The following IGSF22 variants were observed in gnomAD, a reference collection of about 807,000 sequenced individuals.
IGSF22 encodes the protein immunoglobulin superfamily, member 22.
IGSF22 carries 119 observed loss-of-function variants against 127.0 expected under a neutral mutation model. The ratio of observed to expected loss-of-function variants is 0.94; its 90% CI spans 0.81 to 1.09. The LOEUF is 1.09. Ranked by LOEUF, IGSF22 falls within the 50% of genes least tolerant of loss-of-function variation. The pLI, the probability that IGSF22 is intolerant of heterozygous loss-of-function variation, is 0.00. For synonymous variants in IGSF22, 568 were observed against 664.7 expected (o/e 0.85, Z 2.24); for missense variants, 1,518 against 1,716.6 (o/e 0.88, Z 2.04).
At chr11:18,708,097 G>A (rs1848280740) in intron 19 of IGSF22, 101 bp from the exon 20 acceptor site, 1 of 1,534,164 alleles carries the variant, frequency 6.5e-7, no homozygotes, top group Non-Finnish European at 9.0e-7. Flanking sequence ...TGTCGCACTA[G>A]GGGTCTGGTG....
Position 18,721,920 on chromosome 11 carries a change from G to T in IGSF22, c.231C>A (p.Thr77=). The change falls in exon 3 of 23, where the codon ACC becomes ACA. Residue 77 remains threonine (T), a synonymous_variant. Coordinates refer to ENST00000513874, the MANE Select transcript of IGSF22 (RefSeq NM_173588.4). ...PEFVEKPQPV[T]APEGDKAVFR... ...CAGGCAGCAACACACCCTCGGGCGC[G>T]GTGACCGGTTGAGGCTTCTCCACGA... is the stretch of plus-strand genomic sequence containing the variant. The T allele has an allele frequency of 6.2e-7, 1 of 1,613,218 alleles. No homozygotes were observed.
intron 7 of IGSF22, among the ~76,000 whole-genome samples, chr11:18,719,348 G>A (rs1208253979): frequency 6.9e-6 from 1 of 145,776 alleles, no homozygotes; most frequent in Non-Finnish European, 1.5e-5. Flanking sequence ...TGTATTTTTA[G>A]TAGAGACAGG....
Position 18,716,669 on chromosome 11 carries a change from C to T in IGSF22, c.1246+59G>A. ...AGATGGATATATAAATGATGACTACCTGCATGGAGGTTGCTGTGCCATAAA... is the reference window on the plus strand; with the variant it reads ...AGATGGATATATAAATGATGACTACTTGCATGGAGGTTGCTGTGCCATAAA... On this transcript the variant is annotated intron_variant, in intron 10 of 22. Transcript: ENST00000513874. This position sits in a 1 kb window ranked among gnomAD's most constrained non-coding sequence, Gnocchi z 4.5. 1.3e-6 allele frequency: 2 copies of T among 1,537,356 alleles called. No homozygotes were observed. Among genetic ancestry groups the T allele is most frequent in the Non-Finnish European group, 1.8e-6 (2 of 1,117,104 alleles).
rs756310397 is a variant in IGSF22, at chr11:18,714,301, T to A, written c.1774A>T (p.Ser592Cys). The change falls in exon 13 of 23, where the codon AGT becomes TGT. Residue 592 changes from serine (S) to cysteine (C), a missense_variant. Transcript: ENST00000513874. ...CCTGCGATGAATACAGAGGCTTCAC[T>A]TTCCGTGCCCTTGGCCCGGAATGTG... ...KYTFRAKGTE[S>C]EASVFIADPP... 2 of 1,613,980 alleles carry A rather than the reference T, an allele frequency of 1.2e-6. No individual in the cohort carries two copies. Among genetic ancestry groups the A allele is most frequent in the Non-Finnish European group, 1.7e-6 (2 of 1,179,998 alleles).
Position 18,714,555 on chromosome 11 carries a change from C to T in IGSF22, c.1601G>A (p.Cys534Tyr). 6.2e-7 allele frequency: 1 copy of T among 1,614,246 alleles called. No individual in the cohort carries two copies. The highest frequency in any genetic ancestry group is 1.1e-5 in the South Asian group (1 of 91,082). Residue 534 changes from cysteine (C) to tyrosine (Y), a missense_variant, in exon 12 of 23, where the codon TGT becomes TAT. By Grantham distance (194) the Cys-to-Tyr change is radical (BLOSUM62 -2). Transcript: ENST00000513874. ...CACCTTCTCGTCATTCAGCACTACA[C>T]ACAACTCAGCTGGGCTCCCAGTGGC... is the stretch of plus-strand genomic sequence containing the variant. ...HAATGSPAEL[C>Y]VVLNDEKVEG...
chr11:18,713,996 C>T lies in IGSF22; in HGVS notation c.1951G>A (p.Glu651Lys), dbSNP rs377591912. Residue 651 changes from glutamate to lysine, a missense_variant, in exon 14 of 23, where the codon GAG becomes AAG. By Grantham distance (56) the Glu-to-Lys change is moderately conservative. Around this residue, in one of 3 missense-constraint regions of IGSF22, gnomAD observed 1,456 missense variants for 1,644.9 expected, o/e 0.89. Transcript: ENST00000513874. ...CCGCGCTCCATGGACACGCGTTCCT[C>T]CTCCGTCACTTCCATGCCATCCTTG... The part of the protein sequence containing the change: ...WYKDGMEVTE[E>K]ERVSMERGED... 1.9e-6 allele frequency: 3 copies of T among 1,614,166 alleles called. No homozygotes were observed. Among genetic ancestry groups the T allele is most frequent in the Non-Finnish European group, 2.5e-6 (3 of 1,180,066 alleles).
At chr11:18,705,118 G>T (rs879904247) in intron 22 of IGSF22, among the ~76,000 whole-genome samples, 6 of 151,864 alleles carry the variant, frequency 4.0e-5, no homozygotes, top group African/African-American at 1.5e-4. Context: ...TGTCATGGAA[G>T]GTTCAGGAGT....
At position 18,721,611 on chromosome 11, in the gene IGSF22, T is replaced by C. The variant is rs967761344; in HGVS notation, c.302A>G (p.Lys101Arg). The C allele has an allele frequency of 6.2e-7, 1 of 1,614,124 alleles. No individual in the cohort carries two copies. The highest frequency in any genetic ancestry group is 1.3e-5 in the African/African-American group (1 of 74,960). The change falls in exon 4 of 23, where the codon AAG (lysine) becomes AGG (arginine). Residue 101 changes from lysine to arginine, a missense_variant. Lys to Arg is a conservative substitution (Grantham distance 26). Transcript: ENST00000513874. ...CTTGATGGGGATGCCGCTCTCCCTC[T>C]TCCAGGAGATGTGGGGTTTGGCGTT... ...QGNAKPHISW[K>R]RESGIPIKES...
chr11:18,718,296 G>A (rs915663346), intron 8 of IGSF22, among the ~76,000 whole-genome samples: 3 of 152,140 alleles, frequency 2.0e-5, no homozygotes, highest in African/African-American at 7.2e-5. Context: ...TCACAGGCCC[G>A]AGCTCTTAAT....
At position 18,713,856 on chromosome 11, in the gene IGSF22, C is replaced by T. The variant is rs775665522; in HGVS notation, c.2091G>A (p.Val697=). Residue 697 remains valine, a synonymous_variant, in exon 14 of 23, where the codon GTG becomes GTA. Coordinates refer to ENST00000513874, the MANE Select transcript of IGSF22 (RefSeq NM_173588.4). ...CCGGACTGGCCCTGCCCTGACCCAG[C>T]ACACTAAGGTGCAGAGTGGCCGTGG... ...GSATATLHLS[V]LDRPKPPQGR... is the part of the protein sequence containing the mutation. 1.2e-6 allele frequency: 2 copies of T among 1,611,584 alleles called. No individual in the cohort carries two copies. The highest frequency in any genetic ancestry group is 1.1e-5 in the South Asian group (1 of 90,702).
Position 18,716,759 on chromosome 11 carries a change from G to C in IGSF22, c.1215C>G (p.Asn405Lys), listed in dbSNP as rs772875541. 6.2e-7 allele frequency: 1 copy of C among 1,614,160 alleles called. No homozygotes were observed. The highest frequency in any genetic ancestry group is 1.1e-5 in the South Asian group (1 of 91,080). ...DSGEFSAEAG[N>K]LVQKAQLTVD... ...CAGTGAGCTGGGCCTTTTGTACCAG[G>C]TTCCCCGCCTCAGCAGAGAACTCGC... Residue 405 changes from asparagine to lysine, a missense_variant, in exon 10 of 23, where the codon AAC (asparagine) becomes AAG (lysine). Asn to Lys is a moderately conservative substitution (Grantham distance 94). Coordinates refer to ENST00000513874, the MANE Select transcript of IGSF22 (RefSeq NM_173588.4). The surrounding 1 kb of genome is among the most constrained non-coding windows in gnomAD (Gnocchi z 4.5).
chr11:18,721,883 C>A (rs1848580750), intron 3 of IGSF22, 27 bp downstream of exon 3: 3 of 1,610,626 alleles, frequency 1.9e-6, no homozygotes, highest in Non-Finnish European at 2.5e-6. Flanking sequence ...AGCACTGGAG[C>A]CCGGTGAGCC....
intron 6 of IGSF22, 50 bp from the exon 7 acceptor site, chr11:18,719,943 T>C: frequency 6.2e-7 from 1 of 1,611,950 alleles, no homozygotes; most frequent in Non-Finnish European, 8.5e-7. Flanking sequence ...CTCTCCAACC[T>C]TGAGAAACCC....
chr11:18,718,191 T>C, intron 8 of IGSF22, 98 bp from the exon 9 acceptor site: 1 of 1,092,900 alleles, frequency 9.1e-7, no homozygotes, highest in Non-Finnish European at 1.3e-6. Flanking sequence ...GGAGGGTGCA[T>C]GTCCAACCCT....
chr11:18,714,542 AT>A lies in IGSF22; in HGVS notation c.1613del (p.Asn538MetfsTer10). The A allele has an allele frequency of 6.2e-7, 1 of 1,614,154 alleles. No homozygotes were observed. The highest frequency in any genetic ancestry group is 8.5e-7 in the Non-Finnish European group (1 of 1,180,034). The part of the protein sequence containing the change: ...GSPAELCVVL[N>X]DEKVEGVWLK... ...GCCACACACCCTCCACCTTCTCGTC[AT>A]TCAGCACTACACACAACTCAGCTGG... On this transcript the variant is annotated frameshift_variant, in exon 12 of 23. Transcript: ENST00000513874. LOFTEE classifies it high-confidence loss of function.
chr11:18,712,040 G>A, intron 15 of IGSF22, 42 bp downstream of exon 15: 1 of 1,500,874 alleles, frequency 6.7e-7, no homozygotes, highest in Non-Finnish European at 9.0e-7. Flanking sequence ...TCTCCATGCT[G>A]ACCCCTGGGT....
Position 18,712,188 on chromosome 11 carries a change from G to T in IGSF22, c.2292C>A (p.Asn764Lys). ...GGTAGGCTTTTCCCTCTTCCACCTT[G>T]TTGGTGGAGAAGTTGGTGACTTTGC... ...VDGKVTNFST[N>K]KVEEGKAYQF... The change falls in exon 15 of 23, where the codon AAC (asparagine) becomes AAA (lysine). Residue 764 changes from asparagine (N) to lysine (K), a missense_variant. This residue lies in a region of IGSF22 where 1,456 missense variants were observed against 1,644.9 expected (regional missense o/e 0.89). Coordinates refer to ENST00000513874, the MANE Select transcript of IGSF22 (RefSeq NM_173588.4). 2 of 1,551,608 alleles carry T rather than the reference G, an allele frequency of 1.3e-6. No homozygotes were observed. Among genetic ancestry groups the T allele is most frequent in the Non-Finnish European group, 1.7e-6 (2 of 1,146,902 alleles).
rs763282891 is a variant in IGSF22, at chr11:18,714,556, A to G, written c.1600T>C (p.Cys534Arg). ...ACCTTCTCGTCATTCAGCACTACAC[A>G]CAACTCAGCTGGGCTCCCAGTGGCC... ...HAATGSPAELCVVLNDEKVEG... is the reference protein window; with the variant it reads ...HAATGSPAELRVVLNDEKVEG... The change falls in exon 12 of 23, where the codon TGT becomes CGT. Residue 534 changes from cysteine (C) to arginine (R), a missense_variant. By Grantham distance (180) the Cys-to-Arg change is radical (BLOSUM62 -3). This residue lies in a region of IGSF22 where 1,456 missense variants were observed against 1,644.9 expected (regional missense o/e 0.89). Transcript: ENST00000513874. 16 of 1,614,048 alleles carry G rather than the reference A, an allele frequency of 9.9e-6. No homozygotes were observed. Among genetic ancestry groups the G allele is most frequent in the Non-Finnish European group, 8.5e-7 (1 of 1,180,020 alleles).
At position 18,718,746 on chromosome 11, in the gene IGSF22, T is replaced by C. The variant is rs765733605; in HGVS notation, c.697-18A>G. The C allele has an allele frequency of 4.0e-6, 6 of 1,512,178 alleles. No individual in the cohort carries two copies. Among genetic ancestry groups the C allele is most frequent in the African/African-American group, 1.4e-5 (1 of 72,660 alleles). 93.7% of individuals were successfully genotyped at this position (1,512,178 alleles called of 1,614,324 possible). ...CGGATGGCCTGAGAGATTATGATAA[T>C]AAAATGACAAGTGTCAGTGGTACCC... On this transcript the variant is annotated intron_variant, in intron 7 of 22. Transcript: ENST00000513874.
Sources: gnomAD v4.1 joint callset for allele counts (sites outside exome capture counted in the v4.1 genomes callset) on GRCh38, gnomAD v4.1.1 for gene constraint, gnomAD v4.1.1 regional missense constraint, Gnocchi (gnomAD v3.1) non-coding constraint, MANE v1.5 for transcripts, NCBI Gene and HGNC (gene_info 2026-07-23, HGNC 2026-07-21) for gene names.